SLCO5A1: variants seen among roughly 807,000 people sequenced by gnomAD.
SLCO5A1 encodes the protein solute carrier organic anion transporter family member 5A1.
Under a neutral mutation model 65.1 loss-of-function variants are expected in SLCO5A1, and 39 were observed. The observed-to-expected ratio is 0.60, with a 90% CI of 0.46 to 0.78. The LOEUF is 0.78. Ranked by LOEUF, SLCO5A1 falls within the 30% of genes least tolerant of loss-of-function variation. SLCO5A1 has a pLI of 0.00. For missense variants in SLCO5A1, 1,029 were observed against 1,069.4 expected (o/e 0.96, Z 0.53); for synonymous variants, 438 against 415.7 (o/e 1.05, Z -0.65).
At chr8:69,686,238 A>AAAAAAAAAAAAAAAAAG (rs1159085565) in intron 6 of SLCO5A1, among the ~76,000 whole-genome samples, 2 of 151,856 alleles carry the variant, frequency 1.3e-5, no homozygotes, top group African/African-American at 4.8e-5. Flanking sequence ...CAGCAAAAAA[A>AAAAAAAAAAAAAAAAAG]AGAGAGAGAA....
chr8:69,796,048 A>AG (rs1447024476), intron 2 of SLCO5A1, among the ~76,000 whole-genome samples: 2 of 152,126 alleles, frequency 1.3e-5, no homozygotes, highest in Admixed American at 6.5e-5. Flanking sequence ...TGCACAGGGC[A>AG]GGGGGGGCCC....
intron 5 of SLCO5A1, among the ~76,000 whole-genome samples, chr8:69,725,697 C>T (rs948083203): frequency 6.6e-6 from 1 of 152,080 alleles, no homozygotes; most frequent in African/African-American, 2.4e-5. Flanking sequence ...AGATGCAAAC[C>T]CTAAGGGTCA....
chr8:69,793,841 G>A (rs1819373480), intron 2 of SLCO5A1, among the ~76,000 whole-genome samples: 2 of 151,952 alleles, frequency 1.3e-5, no homozygotes, highest in Admixed American at 6.6e-5. Flanking sequence ...AAATGAGAGG[G>A]AAAGGGAGTA....
intron 5 of SLCO5A1, among the ~76,000 whole-genome samples, chr8:69,729,393 G>A (rs1303115863): frequency 8.8e-5 from 12 of 136,004 alleles, no homozygotes; most frequent in African/African-American, 3.0e-4. Flanking sequence ...GCAGTGAGCC[G>A]AGATCGTGCC....
chr8:69,832,784 CTG>C lies in SLCO5A1; in HGVS notation c.-113_-112del. 7.7e-7 allele frequency: 1 copy of C among 1,301,614 alleles called. No homozygotes were observed. Among genetic ancestry groups the C allele is most frequent in the Non-Finnish European group, 1.0e-6 (1 of 970,052 alleles). The allele number at this position is 1,301,614 out of a possible 1,614,324, so 80.6% of individuals were successfully genotyped here. A position where few individuals can be genotyped will look rare whatever the true frequency, so the allele number is the denominator to read the frequency against. On this transcript the variant is annotated 5_prime_UTR_variant, in exon 2 of 10. It introduces an in-frame stop codon into an upstream open reading frame of the 5' UTR. Transcript: ENST00000260126. The surrounding 1 kb of genome is among the most constrained non-coding windows in gnomAD (Gnocchi z 4.5). ...CCCAGTCAGTCTTGCCCACCTGGGA[CTG>C]GGGCTGGGGGCGCAGGGCCGCGCAG...
chr8:69,793,982 T>C (rs1293933629), intron 2 of SLCO5A1: 1 of 168,850 alleles, frequency 5.9e-6, no homozygotes, highest in African/African-American at 2.4e-5. Flanking sequence ...ACTATCCCTT[T>C]ATGCAGATGG....
At chr8:69,709,148 A>G (rs1381584437) in intron 5 of SLCO5A1, among the ~76,000 whole-genome samples, 1 of 152,198 alleles carries the variant, frequency 6.6e-6, no homozygotes, top group Non-Finnish European at 1.5e-5. Context: ...AGAACTTTGC[A>G]TATAAAAGGA....
chr8:69,702,945 C>CA (rs921814725), intron 6 of SLCO5A1, among the ~76,000 whole-genome samples: 1 of 151,256 alleles, frequency 6.6e-6, no homozygotes, highest in Non-Finnish European at 1.5e-5. Flanking sequence ...CTCGTCTCTA[C>CA]AAAAAATACA....
At chr8:69,722,514 G>A (rs1042228594) in intron 5 of SLCO5A1, among the ~76,000 whole-genome samples, 14 of 151,870 alleles carry the variant, frequency 9.2e-5, no homozygotes, top group Admixed American at 2.6e-4. Context: ...TTTGTATAAG[G>A]AAACTAAGAT....
chr8:69,802,367 G>A (rs544415483), intron 2 of SLCO5A1, among the ~76,000 whole-genome samples: 16 of 151,572 alleles, frequency 1.1e-4, no homozygotes, highest in Admixed American at 2.0e-4. Flanking sequence ...TTAGCCAGGC[G>A]TGGTGGCGCA....
chr8:69,776,616 G>A (rs1420760855), intron 2 of SLCO5A1, among the ~76,000 whole-genome samples: 1 of 152,070 alleles, frequency 6.6e-6, no homozygotes, highest in African/African-American at 2.4e-5. Context: ...CTTCAGTCCA[G>A]GAGTTTCAGG....
At chr8:69,774,706 T>A (rs1478830091) in intron 2 of SLCO5A1, among the ~76,000 whole-genome samples, 1 of 152,184 alleles carries the variant, frequency 6.6e-6, no homozygotes, top group Non-Finnish European at 1.5e-5. Flanking sequence ...CAGAAAAACA[T>A]TTTATGCACA....
At chr8:69,824,401 G>C (rs1455674455) in intron 2 of SLCO5A1, among the ~76,000 whole-genome samples, 1 of 152,120 alleles carries the variant, frequency 6.6e-6, no homozygotes, top group Non-Finnish European at 1.5e-5. Flanking sequence ...AAGAAGAAAA[G>C]AGAGAAGAAT....
intron 2 of SLCO5A1, among the ~76,000 whole-genome samples, chr8:69,806,827 G>T (rs1820012898): frequency 6.6e-6 from 1 of 152,186 alleles, no homozygotes; most frequent in Non-Finnish European, 1.5e-5. Flanking sequence ...GACAAACCTT[G>T]AACACATTCT....
At position 69,788,342 on chromosome 8, in the gene SLCO5A1, T is replaced by C. The variant is rs16936437; in HGVS notation, c.908-26467A>G. The stretch of plus-strand genomic sequence containing the variant: ...CTCAAGGTGTTAATACGGAATTGGA[T>C]GGTAATCTGCTGAGTCTAGGACTTG... On this transcript the variant is annotated intron_variant, in intron 2 of 9. Coordinates refer to ENST00000260126, the MANE Select transcript of SLCO5A1 (RefSeq NM_030958.3). 6.3e-3 allele frequency among the ~76,000 whole-genome samples: 962 copies of C among 152,304 alleles called. 16 individuals are homozygous for C. The highest frequency in any genetic ancestry group is 0.022 in the African/African-American group (915 of 41,564).
At chr8:69,772,899 G>T in intron 2 of SLCO5A1, 1 of 984,458 alleles carries the variant, frequency 1.0e-6, no homozygotes, top group Non-Finnish European at 1.2e-6. Context: ...TTTCTTCCAG[G>T]AAAGACACAT....
chr8:69,832,012 G>T lies in SLCO5A1; in HGVS notation c.662C>A (p.Pro221His), dbSNP rs762870502. Reference protein sequence around the residue: ...LFALPHFISPPYQIQELNASA... With the variant: ...LFALPHFISPHYQIQELNASA... ...GGCGTTCAACTCTTGGATCTGGTAGGGGGGCGAGATGAAGTGAGGTAAGGC... is the reference window on the plus strand; with the variant it reads ...GGCGTTCAACTCTTGGATCTGGTAGTGGGGCGAGATGAAGTGAGGTAAGGC... Residue 221 changes from proline (P) to histidine (H), a missense_variant, in exon 2 of 10, where the codon CCC becomes CAC. Around this residue, in one of 3 missense-constraint regions of SLCO5A1, gnomAD observed 647 missense variants for 647.5 expected, o/e 1.00. Transcript: ENST00000260126. This position sits in a 1 kb window ranked among gnomAD's most constrained non-coding sequence, Gnocchi z 4.5. 37 of 1,601,898 alleles carry T rather than the reference G, an allele frequency of 2.3e-5. No individual in the cohort carries two copies. Among genetic ancestry groups the T allele is most frequent in the Non-Finnish European group, 2.9e-5 (34 of 1,174,328 alleles).
intron 3 of SLCO5A1, 127 bp from the exon 4 acceptor site, chr8:69,755,768 T>C (rs549089453): frequency 1.4e-4 from 104 of 733,224 alleles, no homozygotes; most frequent in Admixed American, 2.6e-4. Context: ...TGTAAAGCAG[T>C]AGGAAGTTGA....
intron 2 of SLCO5A1, among the ~76,000 whole-genome samples, chr8:69,810,854 T>G (rs1820178987): frequency 6.6e-6 from 1 of 152,222 alleles, no homozygotes; most frequent in African/African-American, 2.4e-5. Context: ...AAACAACCCC[T>G]GAAAATGCTT....
Sources: allele counts gnomAD v4.1 joint callset (sites outside exome capture counted in the v4.1 genomes callset), GRCh38; gene constraint gnomAD v4.1.1; regional missense constraint gnomAD v4.1.1; non-coding constraint Gnocchi (gnomAD v3.1); transcripts MANE v1.5; gene names NCBI Gene and HGNC (gene_info 2026-07-23, HGNC 2026-07-21).